Variants in PIGK observed in about 807,000 individuals in gnomAD.
PIGK encodes GPI-anchor transamidase.
In PIGK, 42 loss-of-function variants were observed where a neutral mutation model predicts 50.6. That is an observed-to-expected ratio of 0.83 (90% CI 0.65 to 1.07). PIGK has a LOEUF of 1.07. Among genes scored for constraint, PIGK ranks in the 50% least tolerant of loss-of-function variants. The probability of loss-of-function intolerance (pLI) is 0.00; values close to 1 mark genes in which losing one functional copy is unlikely to be tolerated. For synonymous variants in PIGK, 151 were observed against 156.0 expected (o/e 0.97, Z 0.24); for missense variants, 448 against 488.7 (o/e 0.92, Z 0.78).
chr1:77,146,452 A>C (rs535145038), intron 9 of PIGK, among the ~76,000 whole-genome samples: 1 of 152,234 alleles, frequency 6.6e-6, no homozygotes, highest in African/African-American at 2.4e-5. Flanking sequence ...GCCTGAGGCC[A>C]GTAGTTTTAG....
chr1:77,183,115 T>C (rs1655659195), intron 3 of PIGK, among the ~76,000 whole-genome samples: 1 of 152,138 alleles, frequency 6.6e-6, no homozygotes, highest in African/African-American at 2.4e-5. Flanking sequence ...GGCTGACCTG[T>C]AATGAAAAAT....
intron 5 of PIGK, among the ~76,000 whole-genome samples, chr1:77,165,582 T>C (rs1425234216): frequency 1.4e-5 from 2 of 146,650 alleles, no homozygotes; most frequent in Non-Finnish European, 3.0e-5. Flanking sequence ...CGAATACTAC[T>C]ACAAGACAGG....
At chr1:77,195,347 C>G (rs990472202) in intron 3 of PIGK, 2 of 1,272,366 alleles carry the variant, frequency 1.6e-6, no homozygotes, top group East Asian at 4.7e-5. Flanking sequence ...AGCCAGCGGG[C>G]GGAGGCACAG....
chr1:77,152,792 T>A (rs1200745112), intron 9 of PIGK, among the ~76,000 whole-genome samples: 2 of 152,008 alleles, frequency 1.3e-5, no homozygotes, highest in African/African-American at 4.8e-5. Context: ...TCACTAATCA[T>A]CAAAGAAATG....
chr1:77,139,265 T>C (rs369971655), intron 9 of PIGK, among the ~76,000 whole-genome samples: 12 of 151,816 alleles, frequency 7.9e-5, no homozygotes, highest in East Asian at 1.9e-4. Flanking sequence ...TTGAGCAAAG[T>C]GGAGCTTCCT....
intron 3 of PIGK, among the ~76,000 whole-genome samples, chr1:77,184,658 G>A (rs1655698944): frequency 6.6e-6 from 1 of 152,102 alleles, no homozygotes; most frequent in Non-Finnish European, 1.5e-5. Context: ...TTTTAGCTCA[G>A]GTCCAACTTA....
At chr1:77,100,672 A>C (rs1653520713) in intron 10 of PIGK, among the ~76,000 whole-genome samples, 1 of 152,084 alleles carries the variant, frequency 6.6e-6, no homozygotes, top group Non-Finnish European at 1.5e-5. Context: ...GTGGGAAATA[A>C]GGCACTGATC....
rs183929606 is a variant in PIGK, at chr1:77,098,186, A to C, written c.1072-5696T>G. Reference sequence around the variant, plus strand: ...CAAAATCAATTTTGTTCCTAACCCAACACTGTAAACAAAAACACACTTTAC... The same window carrying C: ...CAAAATCAATTTTGTTCCTAACCCACCACTGTAAACAAAAACACACTTTAC... On this transcript the variant is annotated intron_variant, in intron 10 of 10. Coordinates refer to ENST00000370812, the MANE Select transcript of PIGK (RefSeq NM_005482.3). Among the ~76,000 whole-genome samples, 389 of 152,304 alleles carry C rather than the reference A, an allele frequency of 2.6e-3. 2 individuals are homozygous for C. Among genetic ancestry groups the C allele is most frequent in the African/African-American group, 8.3e-3 (345 of 41,570 alleles).
At chr1:77,107,345 T>C (rs1477245522) in intron 10 of PIGK, among the ~76,000 whole-genome samples, 3 of 152,238 alleles carry the variant, frequency 2.0e-5, no homozygotes, top group Admixed American at 6.5e-5. Context: ...TTTCATTATG[T>C]ACCCAGTAGT....
intron 9 of PIGK, among the ~76,000 whole-genome samples, chr1:77,144,319 G>A (rs963817208): frequency 1.3e-5 from 2 of 151,544 alleles, no homozygotes; most frequent in African/African-American, 4.8e-5. Flanking sequence ...AAACCTTAAG[G>A]GTCTCAGAAT....
chr1:77,210,556 G>A, intron 1 of PIGK, 67 bp from the exon 2 acceptor site: 1 of 898,532 alleles, frequency 1.1e-6, no homozygotes, highest in African/African-American at 1.7e-5. Flanking sequence ...ATAATGGACA[G>A]TTGAGACTCG....
intron 10 of PIGK, among the ~76,000 whole-genome samples, chr1:77,119,189 A>G (rs1390554736): frequency 1.3e-5 from 2 of 152,150 alleles, no homozygotes; most frequent in Admixed American, 6.5e-5. Context: ...ATTTTTTCCT[A>G]ACATTAAAAA....
intron 8 of PIGK, among the ~76,000 whole-genome samples, chr1:77,159,053 C>T (rs1655074432): frequency 6.6e-6 from 1 of 152,110 alleles, no homozygotes; most frequent in African/African-American, 2.4e-5. Flanking sequence ...GGCCCTGAGG[C>T]CTGTGGATAA....
At chr1:77,159,349 T>C (rs1270026709) in intron 8 of PIGK, among the ~76,000 whole-genome samples, 1 of 152,110 alleles carries the variant, frequency 6.6e-6, no homozygotes, top group Non-Finnish European at 1.5e-5. Flanking sequence ...CAGGCCCTCA[T>C]GGAGAACCTC....
intron 8 of PIGK, among the ~76,000 whole-genome samples, chr1:77,157,873 G>A (rs1043941188): frequency 1.2e-4 from 18 of 152,200 alleles, no homozygotes; most frequent in South Asian, 4.2e-4. Flanking sequence ...GTTTTATAGC[G>A]GACAGTTCCC....
chr1:77,219,424 C>G lies in PIGK; in HGVS notation c.-22G>C, dbSNP rs760666794. On this transcript the variant is annotated 5_prime_UTR_variant, in exon 1 of 11. Coordinates refer to ENST00000370812, the MANE Select transcript of PIGK (RefSeq NM_005482.3). ...CCATGTTTACCGGCTTCAGACTTCC[C>G]GCACCTGAAGGGGCGGAGGCAGTGC... 2.5e-6 allele frequency: 4 copies of G among 1,605,776 alleles called. No individual in the cohort carries two copies. The highest frequency in any genetic ancestry group is 3.3e-5 in the Admixed American group (2 of 59,752).
Position 77,219,296 on chromosome 1 carries a change from A to C in PIGK, c.93+14T>G. ...CCGGCCTCCCGGCTGTGGTCAAATG[A>C]GCCTGACTCCTACCTCGATATGACT... On this transcript the variant is annotated intron_variant, in intron 1 of 10. Coordinates refer to ENST00000370812, the MANE Select transcript of PIGK (RefSeq NM_005482.3). 1 of 1,609,874 alleles carries C rather than the reference A, an allele frequency of 6.2e-7. No homozygotes were observed. Among genetic ancestry groups the C allele is most frequent in the Non-Finnish European group, 8.5e-7 (1 of 1,176,484 alleles).
intron 3 of PIGK, among the ~76,000 whole-genome samples, chr1:77,171,541 T>C (rs1047476211): frequency 2.0e-5 from 3 of 150,318 alleles, no homozygotes; most frequent in Non-Finnish European, 4.4e-5. Context: ...AATAGCTATA[T>C]AATGTCAATA....
chr1:77,113,205 TGAA>T (rs1420490256), intron 10 of PIGK, among the ~76,000 whole-genome samples: 1 of 152,070 alleles, frequency 6.6e-6, no homozygotes, highest in African/African-American at 2.4e-5. Context: ...ATATTATTTG[TGAA>T]GAAGCACCAA....
Sources: gnomAD v4.1 joint callset for allele counts (sites outside exome capture counted in the v4.1 genomes callset) on GRCh38, gnomAD v4.1.1 for gene constraint, MANE v1.5 for transcripts, NCBI Gene and HGNC (gene_info 2026-07-23, HGNC 2026-07-21) for gene names.